KYNU: variants seen among roughly 807,000 people sequenced by gnomAD.
The protein encoded by KYNU is L-kynurenine hydrolase.
In KYNU, 54 loss-of-function variants were observed where a neutral mutation model predicts 59.2. The ratio of observed to expected loss-of-function variants is 0.91; its 90% CI spans 0.73 to 1.14. The LOEUF is 1.14. Ranked by LOEUF, KYNU falls within the 50% of genes most tolerant of loss-of-function variation. The probability of loss-of-function intolerance (pLI) is 0.00; values close to 1 mark genes in which losing one functional copy is unlikely to be tolerated. For missense variants in KYNU, 567 were observed against 554.4 expected (o/e 1.02, Z -0.23); for synonymous variants, 177 against 192.0 (o/e 0.92, Z 0.65).
chr2:142,950,558 A>T (rs1683955006), intron 4 of KYNU, among the ~76,000 whole-genome samples: 1 of 151,848 alleles, frequency 6.6e-6, no homozygotes, highest in South Asian at 2.1e-4. Flanking sequence ...CATGAGACTT[A>T]TTCACTATCA....
intron 4 of KYNU, among the ~76,000 whole-genome samples, chr2:142,946,855 C>A (rs996469099): frequency 2.0e-5 from 3 of 152,200 alleles, no homozygotes; most frequent in African/African-American, 7.2e-5. Flanking sequence ...ACTCATTCAT[C>A]TACACTGAAA....
chr2:142,949,905 G>A (rs1278167505), intron 4 of KYNU, among the ~76,000 whole-genome samples: 1 of 152,126 alleles, frequency 6.6e-6, no homozygotes, highest in Non-Finnish European at 1.5e-5. Flanking sequence ...CTTTTCAAAT[G>A]GAATGCCTTT....
intron 2 of KYNU, among the ~76,000 whole-genome samples, chr2:142,903,616 C>A (rs904462319): frequency 6.6e-6 from 1 of 152,078 alleles, no homozygotes; most frequent in Non-Finnish European, 1.5e-5. Flanking sequence ...AGACAGTTAA[C>A]CTCCTGGCCC....
chr2:142,918,206 C>T (rs891649926), intron 2 of KYNU, among the ~76,000 whole-genome samples: 8 of 152,130 alleles, frequency 5.3e-5, no homozygotes, highest in Admixed American at 3.9e-4. Flanking sequence ...GCCATGTCTA[C>T]AACACAAATT....
In KYNU at chr2:143,042,626, A is replaced by G. The variant is rs1295905027; in HGVS notation, c.*454A>G. On this transcript the variant is annotated 3_prime_UTR_variant, in exon 14 of 14. Transcript: ENST00000264170. The stretch of plus-strand genomic sequence containing the variant: ...TATATATATATATATATATATATAT[A>G]TATATGTGTGTGTGTGTGTGTGTAT... The G allele has an allele frequency of 0.15, 19,130 of 123,796 alleles. 1,702 individuals are homozygous for G. Among genetic ancestry groups the G allele is most frequent in the East Asian group, 0.27 (1,142 of 4,214 alleles). The allele number at this position is 123,796 out of a possible 1,614,324, so 7.7% of individuals were successfully genotyped here.
intron 8 of KYNU, among the ~76,000 whole-genome samples, chr2:142,982,312 T>C (rs968623118): frequency 2.0e-5 from 3 of 152,116 alleles, no homozygotes; most frequent in Admixed American, 6.6e-5. Flanking sequence ...AAATTCATGT[T>C]CATGTACAAA....
chr2:142,953,929 T>G (rs991772378), intron 4 of KYNU: 45 of 152,196 alleles, frequency 3.0e-4, no homozygotes, highest in African/African-American at 1.0e-3. Context: ...TCTATTCTTT[T>G]AAAATGGGAC....
At chr2:142,966,932 G>A (rs1184774864) in intron 8 of KYNU, among the ~76,000 whole-genome samples, 2 of 150,276 alleles carry the variant, frequency 1.3e-5, no homozygotes, top group African/African-American at 2.4e-5. Context: ...GAAATATCCA[G>A]AATTTTTTAT....
chr2:142,966,524 A>G (rs1684545332), intron 8 of KYNU, among the ~76,000 whole-genome samples: 1 of 152,192 alleles, frequency 6.6e-6, no homozygotes, highest in South Asian at 2.1e-4. Context: ...TAGTTTTGCT[A>G]CACCTGGAAC....
intron 3 of KYNU, among the ~76,000 whole-genome samples, chr2:142,920,824 C>A (rs1439257523): frequency 1.3e-5 from 2 of 152,190 alleles, no homozygotes; most frequent in Non-Finnish European, 2.9e-5. Flanking sequence ...ATGGACCCGC[C>A]CATAAATGTC....
intron 11 of KYNU, among the ~76,000 whole-genome samples, chr2:143,030,579 A>G (rs1686709671): frequency 6.6e-6 from 1 of 152,108 alleles, no homozygotes; most frequent in Admixed American, 6.5e-5. Context: ...GGCTCAAGCA[A>G]TCTTCTCGCC....
chr2:142,955,155 A>T (rs931314611), intron 5 of KYNU, among the ~76,000 whole-genome samples: 5 of 152,048 alleles, frequency 3.3e-5, no homozygotes, highest in Non-Finnish European at 7.4e-5. Flanking sequence ...GCAAGCCTAC[A>T]AAACAGTGAT....
chr2:142,915,819 T>C (rs1682650819), intron 2 of KYNU, among the ~76,000 whole-genome samples: 1 of 152,240 alleles, frequency 6.6e-6, no homozygotes, highest in Non-Finnish European at 1.5e-5. Context: ...GGTTGAATTA[T>C]GTTCCCTAAA....
chr2:142,902,691 G>T (rs1182347477), intron 2 of KYNU, among the ~76,000 whole-genome samples: 2 of 152,220 alleles, frequency 1.3e-5, no homozygotes, highest in Non-Finnish European at 2.9e-5. Context: ...TGGTGAGGAA[G>T]TTTAAAAGCG....
intron 2 of KYNU, among the ~76,000 whole-genome samples, chr2:142,885,767 C>T (rs1681488374): frequency 6.6e-6 from 1 of 152,206 alleles, no homozygotes; most frequent in Non-Finnish European, 1.5e-5. Flanking sequence ...GGTACTTATA[C>T]TGTCAACTAC....
intron 4 of KYNU, among the ~76,000 whole-genome samples, chr2:142,951,076 T>A (rs6739642): frequency 0.08 from 12,118 of 152,238 alleles, 1,415 homozygotes; most frequent in African/African-American, 0.26. Context: ...CATGCCAAAA[T>A]AATTACAGTA....
chr2:142,961,579 A>G (rs1365501000), intron 8 of KYNU, among the ~76,000 whole-genome samples: 1 of 152,220 alleles, frequency 6.6e-6, no homozygotes, highest in African/African-American at 2.4e-5. Context: ...ATCAAATTTT[A>G]TACAAGTTAC....
chr2:143,010,663 A>C (rs1048832734), intron 10 of KYNU, among the ~76,000 whole-genome samples: 1 of 147,962 alleles, frequency 6.8e-6, no homozygotes, highest in African/African-American at 2.5e-5. Context: ...TTCAAACTAT[A>C]CTACAAGCCT....
intron 2 of KYNU, among the ~76,000 whole-genome samples, chr2:142,888,521 T>C (rs1681592680): frequency 6.6e-6 from 1 of 152,128 alleles, no homozygotes; most frequent in African/African-American, 2.4e-5. Context: ...CCAAGTGTTC[T>C]TCTACATCAG....
Sources: allele counts gnomAD v4.1 joint callset (sites outside exome capture counted in the v4.1 genomes callset), GRCh38; gene constraint gnomAD v4.1.1; transcripts MANE v1.5; gene names NCBI Gene and HGNC (gene_info 2026-07-23, HGNC 2026-07-21).